Variants in OR2V2 observed in about 807,000 individuals in gnomAD.
OR2V2 encodes the protein olfactory receptor family 2 subfamily V member 2.
For synonymous variants in OR2V2, 161 were observed against 151.3 expected, an observed-to-expected ratio of 1.06 and a Z score of -0.47; for missense variants, 392 against 392.2, an observed-to-expected ratio of 1.00 and a Z score of 0.00.
At position 181,157,159 on chromosome 5, in the gene OR2V2, T is replaced by G. The variant is rs1210610711; in HGVS notation, c.*1269T>G. Reference sequence around the variant, plus strand: ...GTCCTATTTGCAGTAAAATTCTCTTTTCATGGAAAAAAAATATCTCCATTG... The same window carrying G: ...GTCCTATTTGCAGTAAAATTCTCTTGTCATGGAAAAAAAATATCTCCATTG... On this transcript the variant is annotated 3_prime_UTR_variant, in exon 2 of 2. Transcript: ENST00000641492. The G allele has an allele frequency of 2.0e-5, 3 of 152,238 alleles. No individual in the cohort carries two copies. Among genetic ancestry groups the G allele is most frequent in the Non-Finnish European group, 4.4e-5 (3 of 68,042 alleles). The allele number at this position is 152,238 out of a possible 1,614,324, so 9.4% of individuals were successfully genotyped here. A position where few individuals can be genotyped will look rare whatever the true frequency, so the allele number is the denominator to read the frequency against.
rs1169171881 is a variant in OR2V2, at chr5:181,155,596, CTA to C, written c.656_657del (p.Tyr219CysfsTer45). ...LFPFSIIVAS[Y>X]AHILGTVLQM... ...TCCCATTCTCCATCATCGTGGCCTC[CTA>C]TGCTCACATTCTAGGGACTGTGCTG... On this transcript the variant is annotated frameshift_variant, in exon 2 of 2. Transcript: ENST00000641492. LOFTEE classifies it low-confidence loss of function (END_TRUNC). 1.2e-6 allele frequency: 2 copies of C among 1,614,228 alleles called. No homozygotes were observed. The highest frequency in any genetic ancestry group is 1.7e-6 in the Non-Finnish European group (2 of 1,180,040).
chr5:181,151,998 AAAATC>A (rs1763197015), intron 1 of OR2V2, among the ~76,000 whole-genome samples: 1 of 151,680 alleles, frequency 6.6e-6, no homozygotes, highest in Non-Finnish European at 1.5e-5. Context: ...AAAAAAAAAA[AAAATC>A]AAAGGCTTTG....
intron 1 of OR2V2, among the ~76,000 whole-genome samples, chr5:181,151,931 G>A (rs1446754363): frequency 6.7e-6 from 1 of 150,050 alleles, no homozygotes; most frequent in African/African-American, 2.5e-5. Flanking sequence ...ACTGCGGTGA[G>A]CTGATCATGC....
In OR2V2 at chr5:181,155,056, G is replaced by C; in HGVS notation, c.114G>C (p.Val38=). The change falls in exon 2 of 2, where the codon GTG becomes GTC. Residue 38 remains valine (V), a synonymous_variant. Coordinates refer to ENST00000641492, the MANE Select transcript of OR2V2 (RefSeq NM_206880.2). ...LFSVVMAVFT[V]ALCGNVLLIF... ...CCGTGGTTATGGCGGTCTTCACAGTGGCCCTCTGTGGGAATGTCCTCCTCA... is the reference window on the plus strand; with the variant it reads ...CCGTGGTTATGGCGGTCTTCACAGTCGCCCTCTGTGGGAATGTCCTCCTCA... 2 of 1,614,114 alleles carry C rather than the reference G, an allele frequency of 1.2e-6. No individual in the cohort carries two copies. Among genetic ancestry groups the C allele is most frequent in the South Asian group, 2.2e-5 (2 of 91,076 alleles).
At position 181,157,739 on chromosome 5, in the gene OR2V2, T is replaced by G. The variant is rs1166043696; in HGVS notation, c.*1849T>G. On this transcript the variant is annotated 3_prime_UTR_variant, in exon 2 of 2. Transcript: ENST00000641492. The stretch of plus-strand genomic sequence containing the variant: ...TCTCCTCATTTTCATCATATCTTTT[T>G]GCCTTGTACACATTTCTATTTGCCC... 3 of 152,230 alleles carry G rather than the reference T, an allele frequency of 2.0e-5. No individual in the cohort carries two copies. The highest frequency in any genetic ancestry group is 7.2e-5 in the African/African-American group (3 of 41,450). The allele number at this position is 152,230 out of a possible 1,614,324, so 9.4% of individuals were successfully genotyped here. A position where few individuals can be genotyped will look rare whatever the true frequency, so the allele number is the denominator to read the frequency against.
In OR2V2 at chr5:181,149,345, C is replaced by T. The variant is rs74735551; in HGVS notation, c.-25+1350C>T. On this transcript the variant is annotated intron_variant, in intron 1 of 1. Coordinates refer to ENST00000641492, the MANE Select transcript of OR2V2 (RefSeq NM_206880.2). ...CTCCAGAATAACCTGAGTGCTGTGACCTGGGCAGCTGGACAGACCTGTCTT... is the reference window on the plus strand; with the variant it reads ...CTCCAGAATAACCTGAGTGCTGTGATCTGGGCAGCTGGACAGACCTGTCTT... Among the ~76,000 whole-genome samples, 352 of 152,230 alleles carry T rather than the reference C, an allele frequency of 2.3e-3. 2 individuals are homozygous for T. The highest frequency in any genetic ancestry group is 8.4e-3 in the African/African-American group (348 of 41,512).
At chr5:181,148,354 T>G (rs1763151434) in intron 1 of OR2V2, among the ~76,000 whole-genome samples, 1 of 151,348 alleles carries the variant, frequency 6.6e-6, no homozygotes, top group African/African-American at 2.4e-5. Context: ...AGTGCGAAGG[T>G]GAAGGGATAG....
intron 1 of OR2V2, among the ~76,000 whole-genome samples, chr5:181,148,419 GA>G (rs1236721686): frequency 6.6e-6 from 1 of 152,194 alleles, no homozygotes; most frequent in Non-Finnish European, 1.5e-5. Flanking sequence ...GAATATTGCA[GA>G]GACAGTTTCT....
chr5:181,154,516 G>C (rs1382250506), intron 1 of OR2V2, among the ~76,000 whole-genome samples: 3 of 151,934 alleles, frequency 2.0e-5, no homozygotes, highest in Non-Finnish European at 4.4e-5. Context: ...CGTGAACCCT[G>C]GAGGGGGAGG....
At chr5:181,153,807 G>A (rs910317854) in intron 1 of OR2V2, among the ~76,000 whole-genome samples, 1 of 152,230 alleles carries the variant, frequency 6.6e-6, no homozygotes, top group Non-Finnish European at 1.5e-5. Flanking sequence ...TCCCAGTGAA[G>A]TATATCAGTT....
At position 181,154,935 on chromosome 5, in the gene OR2V2, A is replaced by G. The variant is rs777586453; in HGVS notation, c.-8A>G. Reference sequence around the variant, plus strand: ...TATTCTCAGGTGACCAGGAGCAACAACCGAGCCATGGAGACGTGGGTGAAC... The same window carrying G: ...TATTCTCAGGTGACCAGGAGCAACAGCCGAGCCATGGAGACGTGGGTGAAC... On this transcript the variant is annotated 5_prime_UTR_variant, in exon 2 of 2. Transcript: ENST00000641492. The G allele has an allele frequency of 6.4e-5, 102 of 1,603,690 alleles. No individual in the cohort carries two copies. Among genetic ancestry groups the G allele is most frequent in the South Asian group, 1.8e-4 (16 of 90,908 alleles).
At position 181,157,934 on chromosome 5, in the gene OR2V2, A is replaced by G. The variant is rs1763286260; in HGVS notation, c.*2044A>G. ...AGAAAATTTAGAGCAAACTTAATCCAGCCCCCTTCCGTGATGCAGAATTTT... is the reference window on the plus strand; with the variant it reads ...AGAAAATTTAGAGCAAACTTAATCCGGCCCCCTTCCGTGATGCAGAATTTT... On this transcript the variant is annotated 3_prime_UTR_variant, in exon 2 of 2. Coordinates refer to ENST00000641492, the MANE Select transcript of OR2V2 (RefSeq NM_206880.2). 6.6e-6 allele frequency: 1 copy of G among 152,246 alleles called. No homozygotes were observed. Among genetic ancestry groups the G allele is most frequent in the South Asian group, 2.1e-4 (1 of 4,834 alleles). 9.4% of individuals were successfully genotyped at this position (152,246 alleles called of 1,614,324 possible).
rs1322411548 is a variant in OR2V2, at chr5:181,157,253, G to A, written c.*1363G>A. On this transcript the variant is annotated 3_prime_UTR_variant, in exon 2 of 2. Transcript: ENST00000641492. ...CTAAACCCCAGGGAGGTGTTTGCTG[G>A]GCTTCAGGCTTTGGAGAGGTGGAGG... 6.6e-6 allele frequency: 1 copy of A among 152,226 alleles called. No individual in the cohort carries two copies. Among genetic ancestry groups the A allele is most frequent in the Non-Finnish European group, 1.5e-5 (1 of 68,054 alleles). 9.4% of individuals were successfully genotyped at this position (152,226 alleles called of 1,614,324 possible).
rs1763243030 is a variant in OR2V2 at position 181,155,156 on chromosome 5, CTCATGTTGG to C, written c.217_225del (p.Met73_Val75del). ...CCTCAGCCAGCTCTCCCTCATGGAC[CTCATGTTGG>C]TCTGTACCAATGTGCCAAAGATGGC... On this transcript the variant is annotated inframe_deletion, in exon 2 of 2. Transcript: ENST00000641492. The C allele has an allele frequency of 1.2e-6, 2 of 1,614,182 alleles. No homozygotes were observed. Among genetic ancestry groups the C allele is most frequent in the African/African-American group, 2.7e-5 (2 of 75,020 alleles).
intron 1 of OR2V2, among the ~76,000 whole-genome samples, chr5:181,154,538 A>T (rs1002906543): frequency 4.7e-5 from 7 of 150,378 alleles, no homozygotes; most frequent in South Asian, 4.4e-4. Flanking sequence ...TGCAGTGAGC[A>T]GAGATCTCGC....
In OR2V2 at chr5:181,147,937, A is replaced by T. The variant is rs1244468228; in HGVS notation, c.-83A>T. ...AGGATGAGTGCATGGCTCTGATGCT[A>T]GGAACTCCTCCACAGGTGACTCTGC... On this transcript the variant is annotated 5_prime_UTR_variant, in exon 1 of 2. Coordinates refer to ENST00000641492, the MANE Select transcript of OR2V2 (RefSeq NM_206880.2). The T allele has an allele frequency of 1.0e-5, 4 of 397,734 alleles. No homozygotes were observed. Among genetic ancestry groups the T allele is most frequent in the Non-Finnish European group, 1.8e-5 (4 of 226,060 alleles). The allele number at this position is 397,734 out of a possible 1,614,324, so 24.6% of individuals were successfully genotyped here. A position where few individuals can be genotyped will look rare whatever the true frequency, so the allele number is the denominator to read the frequency against.
intron 1 of OR2V2, among the ~76,000 whole-genome samples, chr5:181,154,507 G>A (rs1052914868): frequency 1.3e-5 from 2 of 151,414 alleles, no homozygotes; most frequent in Admixed American, 6.6e-5. Flanking sequence ...GGAGAATGGC[G>A]TGAACCCTGG....
Position 181,155,247 on chromosome 5 carries a change from T to A in OR2V2, c.305T>A (p.Ile102Asn). The A allele has an allele frequency of 6.2e-7, 1 of 1,612,304 alleles. No individual in the cohort carries two copies. The highest frequency in any genetic ancestry group is 8.5e-7 in the Non-Finnish European group (1 of 1,179,756). Residue 102 changes from isoleucine to asparagine, a missense_variant, in exon 2 of 2, where the codon ATT becomes AAT. Physicochemically the swap from Ile to Asn is moderately radical, Grantham distance 149. Transcript: ENST00000641492. Reference sequence around the variant, plus strand: ...TCCTTTGTGGGCTGTGGCATACAAATTGGCCTCTTTGTCTGTCTTGTGGGA... The same window carrying A: ...TCCTTTGTGGGCTGTGGCATACAAAATGGCCTCTTTGTCTGTCTTGTGGGA... ...SISFVGCGIQ[I>N]GLFVCLVGSE... is the part of the protein sequence containing the mutation.
intron 1 of OR2V2, among the ~76,000 whole-genome samples, chr5:181,154,195 C>T (rs939240929): frequency 6.6e-6 from 1 of 152,218 alleles, no homozygotes; most frequent in Non-Finnish European, 1.5e-5. Flanking sequence ...ACTCCTGTTT[C>T]TTCCCTTCCT....
Sources: allele counts gnomAD v4.1 joint callset (sites outside exome capture counted in the v4.1 genomes callset), GRCh38; gene constraint gnomAD v4.1.1; transcripts MANE v1.5; gene names NCBI Gene and HGNC (gene_info 2026-07-23, HGNC 2026-07-21).